The following OTUB1 variants were observed in gnomAD, a reference collection of about 807,000 sequenced individuals.
OTUB1 encodes ubiquitin thioesterase OTUB1.
Under a neutral mutation model 35.8 loss-of-function variants are expected in OTUB1, and 10 were observed. The observed-to-expected ratio is 0.28, with a 90% CI of 0.17 to 0.47. OTUB1 has a LOEUF of 0.47. OTUB1 is among the 20% of genes least tolerant of loss of function. The pLI, the probability that OTUB1 is intolerant of heterozygous loss-of-function variation, is 0.99. For synonymous variants in OTUB1, 158 were observed against 143.8 expected, an observed-to-expected ratio of 1.10 and a Z score of -0.71; for missense variants, 264 against 351.6, an observed-to-expected ratio of 0.75 and a Z score of 1.99.
At chr11:63,990,205 TGGG>T (rs1009207412) in intron 3 of OTUB1, 8 of 151,696 alleles carry the variant, frequency 5.3e-5, no homozygotes, top group African/African-American at 1.9e-4. Flanking sequence ...CAGGCAGCAG[TGGG>T]GTCAAGGGGC....
chr11:63,989,888 C>G (rs1313757816), intron 3 of OTUB1: 1 of 151,274 alleles, frequency 6.6e-6, no homozygotes, highest in Non-Finnish European at 1.5e-5. Context: ...GTGGTGGGCA[C>G]CTGTAGTCCC....
chr11:63,987,368 C>G (rs574461109), intron 1 of OTUB1, among the ~76,000 whole-genome samples: 2 of 152,194 alleles, frequency 1.3e-5, no homozygotes, highest in African/African-American at 4.8e-5. Flanking sequence ...GGGACTTGTT[C>G]AAGATGACAT....
Position 63,998,201 on chromosome 11 carries a change from C to T in OTUB1, c.*655C>T. On this transcript the variant is annotated 3_prime_UTR_variant, in exon 7 of 7. Transcript: ENST00000538426. ...GGGGTCTACAGTCCTCAGGTCTAGGCAGGGCTGCCGGTTCTCCACCTCCCC... is the reference window on the plus strand; with the variant it reads ...GGGGTCTACAGTCCTCAGGTCTAGGTAGGGCTGCCGGTTCTCCACCTCCCC... The T allele has an allele frequency of 5.1e-6, 1 of 196,674 alleles. No individual in the cohort carries two copies. The highest frequency in any genetic ancestry group is 1.1e-5 in the Non-Finnish European group (1 of 94,774). 12.2% of individuals were successfully genotyped at this position (196,674 alleles called of 1,614,324 possible).
At chr11:63,993,100 T>G (rs1590780543) in intron 3 of OTUB1, among the ~76,000 whole-genome samples, 1 of 151,946 alleles carries the variant, frequency 6.6e-6, no homozygotes, top group Admixed American at 6.6e-5. Context: ...CAGCGGGTGG[T>G]AGAGGTGAGG....
chr11:63,992,155 G>T (rs575564756), intron 3 of OTUB1, among the ~76,000 whole-genome samples: 7 of 151,984 alleles, frequency 4.6e-5, no homozygotes, highest in African/African-American at 7.2e-5. Context: ...TGGAGGTTGC[G>T]GTGAGCCGAG....
At chr11:63,990,373 C>G (rs1942660254) in intron 3 of OTUB1, 1 of 151,984 alleles carries the variant, frequency 6.6e-6, no homozygotes, top group Non-Finnish European at 1.5e-5. Flanking sequence ...AGGCTGAGGC[C>G]AGAGGATCGC....
chr11:63,992,912 C>T lies in OTUB1; in HGVS notation c.220-3618C>T, dbSNP rs1324080349. Among the ~76,000 whole-genome samples, 3 of 152,274 alleles carry T rather than the reference C, an allele frequency of 2.0e-5. No individual in the cohort carries two copies. The East Asian group carries it at 5.8e-4, about 29-fold the overall frequency. ...TATTGGCTAGGCTGGTCTTGAACTC[C>T]TGACCTCAAATGATCCACCCACTTT... On this transcript the variant is annotated intron_variant, in intron 3 of 6. Coordinates refer to ENST00000538426, the MANE Select transcript of OTUB1 (RefSeq NM_017670.3).
At chr11:63,992,977 C>T (rs950753660) in intron 3 of OTUB1, among the ~76,000 whole-genome samples, 6 of 152,364 alleles carry the variant, frequency 3.9e-5, no homozygotes, top group Middle Eastern at 3.4e-3. Context: ...TGGGCCATCA[C>T]GCCAAGCCGA....
At chr11:63,986,656 C>T (rs1027418279) in intron 1 of OTUB1, 142 bp downstream of exon 1, 9 of 658,936 alleles carry the variant, frequency 1.4e-5, no homozygotes, top group Non-Finnish European at 2.0e-5. Context: ...TCCGCTGCCT[C>T]CCCTCCCCCT....
chr11:63,991,955 C>G (rs940301565), intron 3 of OTUB1, among the ~76,000 whole-genome samples: 1 of 152,032 alleles, frequency 6.6e-6, no homozygotes, highest in African/African-American at 2.4e-5. Context: ...TGGTGGCTCA[C>G]GCCTGTAATC....
intron 3 of OTUB1, among the ~76,000 whole-genome samples, chr11:63,993,854 C>A (rs1942694742): frequency 6.6e-6 from 1 of 151,978 alleles, no homozygotes; most frequent in African/African-American, 2.4e-5. Flanking sequence ...AGTGTAGTTT[C>A]AAAGAGGAAG....
chr11:63,997,210 A>C lies in OTUB1; in HGVS notation c.584A>C (p.Glu195Ala). 1 of 1,614,172 alleles carries C rather than the reference A, an allele frequency of 6.2e-7. No individual in the cohort carries two copies. The highest frequency in any genetic ancestry group is 8.5e-7 in the Non-Finnish European group (1 of 1,180,008). The change falls in exon 6 of 7, where the codon GAG becomes GCG. Residue 195 changes from glutamate to alanine, a missense_variant. This residue lies in a region of OTUB1 where 214 missense variants were observed against 317.1 expected (regional missense o/e 0.67). Transcript: ENST00000538426. ...AGCAAGTTCTTCGAGCACTTCATCG[A>C]GGGTGGACGGACTGTCAAGGAGTTC... ...RESKFFEHFIEGGRTVKEFCQ... is the reference protein window; with the variant it reads ...RESKFFEHFIAGGRTVKEFCQ...
At chr11:63,986,813 C>G in intron 1 of OTUB1, 1 of 382,144 alleles carries the variant, frequency 2.6e-6, no homozygotes, top group South Asian at 6.5e-5. Flanking sequence ...GCTCCTGGCT[C>G]CAGGGGCCCC....
chr11:63,987,362 C>T (rs1942630858), intron 1 of OTUB1, among the ~76,000 whole-genome samples: 1 of 152,304 alleles, frequency 6.6e-6, no homozygotes, highest in Admixed American at 6.5e-5. Context: ...CCGGAAGGGA[C>T]TTGTTCAAGA....
At position 63,988,516 on chromosome 11, in the gene OTUB1, T is replaced by C. The variant is rs926722437; in HGVS notation, c.120+118T>C. Reference sequence around the variant, plus strand: ...TTTGGAAGCTCCCTCCTCCCTAGGCTATGCTAGGTACTGGTGCTTTTCTGG... The same window carrying C: ...TTTGGAAGCTCCCTCCTCCCTAGGCCATGCTAGGTACTGGTGCTTTTCTGG... On this transcript the variant is annotated intron_variant, in intron 2 of 6. Coordinates refer to ENST00000538426, the MANE Select transcript of OTUB1 (RefSeq NM_017670.3). 3.9e-6 allele frequency: 5 copies of C among 1,279,136 alleles called. No individual in the cohort carries two copies. In the African/African-American group the frequency reaches 7.3e-5, roughly 19 times the overall value. 79.2% of individuals were successfully genotyped at this position (1,279,136 alleles called of 1,614,324 possible).
At chr11:63,991,116 G>A (rs955720032) in intron 3 of OTUB1, among the ~76,000 whole-genome samples, 2 of 152,182 alleles carry the variant, frequency 1.3e-5, no homozygotes, top group Admixed American at 6.5e-5. Context: ...TGATGGGCCT[G>A]GGTTCCAGTC....
chr11:63,988,789 GGGGTGGGGCAGGA>G, intron 3 of OTUB1, 37 bp downstream of exon 3: 1 of 1,388,716 alleles, frequency 7.2e-7, no homozygotes, highest in East Asian at 2.3e-5. Context: ...AAGCACCCTG[GGGGTGGGGCAGGA>G]GGGTGCCTGC....
intron 1 of OTUB1, among the ~76,000 whole-genome samples, chr11:63,987,451 G>T (rs1011230773): frequency 2.6e-5 from 4 of 152,166 alleles, no homozygotes; most frequent in Admixed American, 1.3e-4. Flanking sequence ...GGGTCCATAG[G>T]GTGGACCTGC....
At chr11:63,997,015 CCG>C in intron 5 of OTUB1, 33 bp from the exon 6 acceptor site, 1 of 1,612,288 alleles carries the variant, frequency 6.2e-7, no homozygotes, top group Non-Finnish European at 8.5e-7. Flanking sequence ...CATCTCCTCC[CCG>C]TCATCTTGCC....
Sources: gnomAD v4.1 joint callset for allele counts (sites outside exome capture counted in the v4.1 genomes callset) on GRCh38, gnomAD v4.1.1 for gene constraint, gnomAD v4.1.1 regional missense constraint, MANE v1.5 for transcripts, NCBI Gene and HGNC (gene_info 2026-07-23, HGNC 2026-07-21) for gene names.